CWC27: variants seen among roughly 807,000 people sequenced by gnomAD.
CWC27 encodes the protein spliceosome-associated protein CWC27 homolog.
A neutral mutation model predicts 63.6 loss-of-function variants in CWC27; 47 were observed. That is an observed-to-expected ratio of 0.74 (90% CI 0.58 to 0.94). CWC27 has a LOEUF of 0.94. Ranked by LOEUF, CWC27 falls within the 40% of genes least tolerant of loss-of-function variation. The pLI is 0.00. For synonymous variants in CWC27, 175 were observed against 179.8 expected (o/e 0.97, Z 0.22); for missense variants, 495 against 554.3 (o/e 0.89, Z 1.07).
intron 13 of CWC27, among the ~76,000 whole-genome samples, chr5:65,000,314 G>A (rs899775937): frequency 6.6e-6 from 1 of 151,952 alleles, no homozygotes; most frequent in Non-Finnish European, 1.5e-5. Flanking sequence ...CATTTCATTT[G>A]CTAGGCAGAA....
At chr5:64,856,879 C>G (rs1184897295) in intron 10 of CWC27, among the ~76,000 whole-genome samples, 1 of 152,098 alleles carries the variant, frequency 6.6e-6, no homozygotes, top group Non-Finnish European at 1.5e-5. Context: ...GATCTTCATA[C>G]AGTAACACTT....
chr5:64,876,939 A>G (rs546767340), intron 10 of CWC27, among the ~76,000 whole-genome samples: 4 of 152,096 alleles, frequency 2.6e-5, no homozygotes, highest in Non-Finnish European at 5.9e-5. Flanking sequence ...TCAAGTAATA[A>G]CGAATGATCT....
At chr5:64,953,982 A>G (rs1051793632) in intron 11 of CWC27, among the ~76,000 whole-genome samples, 1 of 152,204 alleles carries the variant, frequency 6.6e-6, no homozygotes, top group African/African-American at 2.4e-5. Context: ...TACATTTTCC[A>G]CTAAAAAATT....
chr5:64,917,216 A>G (rs1747907435), intron 11 of CWC27, among the ~76,000 whole-genome samples: 2 of 152,058 alleles, frequency 1.3e-5, no homozygotes. Context: ...CACTACTTCT[A>G]CACGTGTTCT....
chr5:64,843,149 C>T (rs988079217), intron 10 of CWC27, among the ~76,000 whole-genome samples: 1 of 152,154 alleles, frequency 6.6e-6, no homozygotes, highest in Non-Finnish European at 1.5e-5. Context: ...TTGTATATCT[C>T]AGTACAAAGG....
At chr5:64,779,887 C>T (rs751899632) in intron 2 of CWC27, among the ~76,000 whole-genome samples, 4 of 152,184 alleles carry the variant, frequency 2.6e-5, no homozygotes, top group Non-Finnish European at 5.9e-5. Context: ...CCCCTGCTTG[C>T]GCTCACTCCA....
intron 11 of CWC27, among the ~76,000 whole-genome samples, chr5:64,964,262 T>C (rs997328142): frequency 5.9e-5 from 9 of 152,238 alleles, no homozygotes; most frequent in Non-Finnish European, 1.2e-4. Context: ...TTTTATCTTA[T>C]GGATGGAATT....
chr5:64,975,160 C>G (rs1360524768), intron 12 of CWC27, among the ~76,000 whole-genome samples: 1 of 152,104 alleles, frequency 6.6e-6, no homozygotes, highest in African/African-American at 2.4e-5. Context: ...GTAGAAGATG[C>G]TTTTTACTAT....
At chr5:64,896,181 A>G (rs184778969) in intron 11 of CWC27, among the ~76,000 whole-genome samples, 1 of 152,366 alleles carries the variant, frequency 6.6e-6, no homozygotes, top group Admixed American at 6.5e-5. Flanking sequence ...CTCAACAGCA[A>G]CAGGTGAGGA....
At chr5:64,954,683 CAT>C (rs200011871) in intron 11 of CWC27, among the ~76,000 whole-genome samples, 13 of 146,628 alleles carry the variant, frequency 8.9e-5, no homozygotes, top group African/African-American at 2.4e-4. Context: ...CTACCTATAA[CAT>C]ATATATATAT....
chr5:65,016,270 G>T lies in CWC27; in HGVS notation c.1257-1889G>T, dbSNP rs1053756937. Among the ~76,000 whole-genome samples, 10 of 152,232 alleles carry T rather than the reference G, an allele frequency of 6.6e-5. No individual in the cohort carries two copies. The East Asian group carries it at 1.7e-3, about 26-fold the overall frequency. ...AAAGGAATGGAAGTGTAAAAAGTCA[G>T]CAACTCCACATGTGAAATAGCATAT... is the stretch of plus-strand genomic sequence containing the variant. On this transcript the variant is annotated intron_variant, in intron 13 of 13. Coordinates refer to ENST00000381070, the MANE Select transcript of CWC27 (RefSeq NM_005869.4).
Position 64,938,852 on chromosome 5 carries a change from AG to A in CWC27, c.1043-32850del, listed in dbSNP as rs772344970. On this transcript the variant is annotated intron_variant, in intron 11 of 13. Coordinates refer to ENST00000381070, the MANE Select transcript of CWC27 (RefSeq NM_005869.4). ...CTTGTCTTCACGCTTTATTTCATTAAGTTGATTTTTAATCTCTGATATCCTT... is the reference window on the plus strand; with the variant it reads ...CTTGTCTTCACGCTTTATTTCATTAATTGATTTTTAATCTCTGATATCCTT... Among the ~76,000 whole-genome samples, 26 of 152,002 alleles carry A rather than the reference AG, an allele frequency of 1.7e-4. 1 individual carries two copies. Among genetic ancestry groups the A allele is most frequent in the East Asian group, 1.5e-3 (8 of 5,196 alleles).
At chr5:64,958,850 A>G (rs201685231) in intron 11 of CWC27, among the ~76,000 whole-genome samples, 1 of 152,172 alleles carries the variant, frequency 6.6e-6, no homozygotes, top group East Asian at 1.9e-4. Context: ...ACTTCCATGT[A>G]AATTAGACTG....
intron 10 of CWC27, among the ~76,000 whole-genome samples, chr5:64,811,726 G>C (rs995000600): frequency 6.6e-6 from 1 of 151,950 alleles, no homozygotes; most frequent in African/African-American, 2.4e-5. Flanking sequence ...GTTTTGCTCA[G>C]GAGTTCTGTT....
rs71608574 is a variant in CWC27, at chr5:64,905,200, C to CAAAAAAAAAAAAAAAAAAAA, written c.1042+19659_1042+19678dup. Reference sequence around the variant, plus strand: ...TGGGCGACAGAGCCACACTACATCTCAAAAAAAAAAAAAAAAAAAAAAAAC... The same window carrying CAAAAAAAAAAAAAAAAAAAA: ...TGGGCGACAGAGCCACACTACATCTCAAAAAAAAAAAAAAAAAAAAAAAAAAAAAAAAAAAAAAAAAAAAC... On this transcript the variant is annotated intron_variant, in intron 11 of 13. Coordinates refer to ENST00000381070, the MANE Select transcript of CWC27 (RefSeq NM_005869.4). 1.3e-4 allele frequency among the ~76,000 whole-genome samples: 7 copies of CAAAAAAAAAAAAAAAAAAAA among 55,554 alleles called. 1 individual carries two copies. The highest frequency in any genetic ancestry group is 4.7e-4 in the African/African-American group (7 of 14,824). 36.4% of individuals were successfully genotyped at this position (55,554 alleles called of 152,430 possible).
intron 11 of CWC27, among the ~76,000 whole-genome samples, chr5:64,925,837 A>C (rs1179967901): frequency 2.6e-5 from 4 of 152,108 alleles, no homozygotes; most frequent in Admixed American, 2.0e-4. Flanking sequence ...GTCCTTGACT[A>C]TACTCCCACC....
chr5:64,942,438 T>TA (rs35936421), intron 11 of CWC27, among the ~76,000 whole-genome samples: 2,322 of 96,288 alleles, frequency 0.024, 62 homozygotes, highest in African/African-American at 0.064. Flanking sequence ...CCTATCTCTT[T>TA]AAAAAAAAAA....
chr5:64,904,709 G>A (rs1318952510), intron 11 of CWC27, among the ~76,000 whole-genome samples: 2 of 152,180 alleles, frequency 1.3e-5, no homozygotes, highest in Non-Finnish European at 2.9e-5. Flanking sequence ...AGAAACTGTA[G>A]ACATACTTTA....
rs145679778 is a variant in CWC27, at chr5:64,856,979, A to G, written c.939-28464A>G. On this transcript the variant is annotated intron_variant, in intron 10 of 13. Transcript: ENST00000381070. ...GAAAATCTTTAAATGTATAAAAGCA[A>G]TAAAGAATAGTAGTATTTTAGTAAC... 6.5e-4 allele frequency among the ~76,000 whole-genome samples: 99 copies of G among 152,342 alleles called. 1 individual carries two copies. Among genetic ancestry groups the G allele is most frequent in the Admixed American group, 5.6e-3 (86 of 15,306 alleles).
Sources: allele counts gnomAD v4.1 joint callset (sites outside exome capture counted in the v4.1 genomes callset), GRCh38; gene constraint gnomAD v4.1.1; transcripts MANE v1.5; gene names NCBI Gene and HGNC (gene_info 2026-07-23, HGNC 2026-07-21).